Variants in PIWIL1 observed in about 807,000 individuals in gnomAD.
PIWIL1 encodes piwi-like protein 1.
Under a neutral mutation model 114.4 loss-of-function variants are expected in PIWIL1, and 73 were observed. The observed-to-expected ratio is 0.64, with a 90% CI of 0.53 to 0.78. The LOEUF (loss-of-function observed/expected upper bound fraction) is 0.78. PIWIL1 is among the 30% of genes least tolerant of loss of function. The pLI is 0.00. For missense variants in PIWIL1, 723 were observed against 1,063.1 expected, an observed-to-expected ratio of 0.68 and a Z score of 4.45; for synonymous variants, 375 against 369.0, an observed-to-expected ratio of 1.02 and a Z score of -0.19.
the PIWIL1 span, among the ~76,000 whole-genome samples, chr12:130,407,286 C>T: frequency 1.3e-5 from 2 of 152,166 alleles, no homozygotes; most frequent in Admixed American, 1.3e-4. Flanking sequence ...TTCAAGACAC[C>T]AGGCATCCCA....
At chr12:130,345,909 T>C in intron 4 of PIWIL1, 31 bp downstream of exon 4, 1 of 1,610,562 alleles carries the variant, frequency 6.2e-7, no homozygotes, top group Non-Finnish European at 8.5e-7. Flanking sequence ...TTTTGTGAGA[T>C]TACATCTCAG....
downstream of PIWIL1, among the ~76,000 whole-genome samples, chr12:130,374,742 A>G (rs1039442486): frequency 6.6e-6 from 1 of 152,164 alleles, no homozygotes; most frequent in African/African-American, 2.4e-5. Flanking sequence ...TCTTCCCACA[A>G]GCCCAAAGCT....
intron 3 of PIWIL1, among the ~76,000 whole-genome samples, chr12:130,344,858 T>G (rs1382981835): frequency 6.6e-6 from 1 of 152,228 alleles, no homozygotes; most frequent in Non-Finnish European, 1.5e-5. Flanking sequence ...CTTAAGTATC[T>G]TAGGCCATCC....
At chr12:130,392,873 C>A in the PIWIL1 span, among the ~76,000 whole-genome samples, 363 of 95,356 alleles carry the variant, frequency 3.8e-3, 3 homozygotes, top group East Asian at 0.02. Context: ...CGTCAGTTAC[C>A]TGGTGAGTAT....
At position 130,361,204 on chromosome 12, in the gene PIWIL1, C is replaced by CATT; in HGVS notation, c.1690_1691insATT (p.Arg564delinsHisTrp). 6.2e-7 allele frequency: 1 copy of CATT among 1,614,106 alleles called. No homozygotes were observed. Among genetic ancestry groups the CATT allele is most frequent in the Non-Finnish European group, 8.5e-7 (1 of 1,180,010 alleles). ...GGTTGTCTGTCTGTTGTCAAGTAAT[C>CATT]GGAAGGACAAATACGATGCTATTAA... is the stretch of plus-strand genomic sequence containing the variant. On this transcript the variant is annotated protein_altering_variant, in exon 15 of 21. Coordinates refer to ENST00000245255, the MANE Select transcript of PIWIL1 (RefSeq NM_004764.5).
the PIWIL1 span, among the ~76,000 whole-genome samples, chr12:130,392,437 G>A: frequency 0.013 from 348 of 27,318 alleles, 14 homozygotes; most frequent in Non-Finnish European, 0.017. Context: ...CCGTCATCAC[G>A]TGTCTGTCAG....
the PIWIL1 span, chr12:130,425,890 G>A: frequency 2.0e-5 from 3 of 152,536 alleles, no homozygotes; most frequent in Non-Finnish European, 4.4e-5. Flanking sequence ...GACCATGTGG[G>A]ATTTGCCTAA....
At chr12:130,418,865 C>T in the PIWIL1 span, among the ~76,000 whole-genome samples, 4 of 152,146 alleles carry the variant, frequency 2.6e-5, no homozygotes, top group East Asian at 1.9e-4. Flanking sequence ...GGCCACACCA[C>T]GGGAGGCATT....
At chr12:130,422,594 T>C in the PIWIL1 span, 1 of 1,469,184 alleles carries the variant, frequency 6.8e-7, no homozygotes. The surrounding 1 kb of genome is among the most constrained non-coding windows in gnomAD (Gnocchi z 5.2). Context: ...GTCGTAAGTC[T>C]CGCCAGCATT....
chr12:130,391,063 G>A, the PIWIL1 span, among the ~76,000 whole-genome samples: 6 of 151,032 alleles, frequency 4.0e-5, no homozygotes, highest in East Asian at 9.9e-4. Flanking sequence ...CGTGTGGATC[G>A]CACTCCAGGG....
chr12:130,375,544 C>T (rs1052935225), downstream of PIWIL1, among the ~76,000 whole-genome samples: 18 of 152,348 alleles, frequency 1.2e-4, no homozygotes, highest in Admixed American at 9.1e-4. Flanking sequence ...TCTGTGCACT[C>T]GGCCAGAGCA....
At chr12:130,405,545 G>A in the PIWIL1 span, among the ~76,000 whole-genome samples, 9 of 152,220 alleles carry the variant, frequency 5.9e-5, no homozygotes, top group East Asian at 3.9e-4. Context: ...CCCCAGCTGC[G>A]GAAACTCTGA....
chr12:130,389,556 C>CT, the PIWIL1 span, among the ~76,000 whole-genome samples: 10 of 151,624 alleles, frequency 6.6e-5, no homozygotes, highest in African/African-American at 2.4e-4. Flanking sequence ...TCTGGGTTTT[C>CT]TAATTTATTA....
chr12:130,406,209 G>T, the PIWIL1 span: 1 of 1,603,370 alleles, frequency 6.2e-7, no homozygotes, highest in Non-Finnish European at 8.5e-7. Flanking sequence ...ACCAAAAACT[G>T]TAATAATATC....
chr12:130,373,968 ACACACT>A (rs1375556545), downstream of PIWIL1, among the ~76,000 whole-genome samples: 1 of 152,128 alleles, frequency 6.6e-6, no homozygotes, highest in Non-Finnish European at 1.5e-5. Context: ...TTAGTGTTAA[ACACACT>A]GACCTCAGGC....
At chr12:130,338,255 G>GT in intron 1 of PIWIL1, 109 bp downstream of exon 1, 1 of 338,096 alleles carries the variant, frequency 3.0e-6, no homozygotes, top group African/African-American at 2.3e-5. Flanking sequence ...CCGGGTTGCG[G>GT]GGGCGAGGTC....
intron 19 of PIWIL1, among the ~76,000 whole-genome samples, chr12:130,369,061 C>A (rs1182454875): frequency 6.6e-6 from 1 of 152,114 alleles, no homozygotes; most frequent in East Asian, 1.9e-4. Context: ...CCTTACCCCC[C>A]AACAGGCCCC....
intron 14 of PIWIL1, among the ~76,000 whole-genome samples, chr12:130,358,971 C>G (rs549899140): frequency 6.6e-6 from 1 of 152,088 alleles, no homozygotes; most frequent in African/African-American, 2.4e-5. Context: ...ATGCACACAC[C>G]CCTGCACACA....
chr12:130,422,374 T>C, the PIWIL1 span: 1 of 968,484 alleles, frequency 1.0e-6, no homozygotes. This position sits in a 1 kb window ranked among gnomAD's most constrained non-coding sequence, Gnocchi z 5.2. Flanking sequence ...ACTCCTAAAG[T>C]TTTGTTCATG....
Sources: allele counts gnomAD v4.1 joint callset (sites outside exome capture counted in the v4.1 genomes callset), GRCh38; gene constraint gnomAD v4.1.1; non-coding constraint Gnocchi (gnomAD v3.1); transcripts MANE v1.5; gene names NCBI Gene and HGNC (gene_info 2026-07-23, HGNC 2026-07-21).